Variants in MTA3 observed in about 807,000 individuals in gnomAD.
The protein encoded by MTA3 is metastasis-associated protein MTA3.
Under a neutral mutation model 83.5 loss-of-function variants are expected in MTA3, and 34 were observed. The ratio of observed to expected loss-of-function variants is 0.41; its 90% CI spans 0.31 to 0.54. The LOEUF is 0.54. Ranked by LOEUF, MTA3 falls within the 20% of genes least tolerant of loss-of-function variation. The pLI, the probability that MTA3 is intolerant of heterozygous loss-of-function variation, is 0.33. For synonymous variants in MTA3, 303 were observed against 252.7 expected (o/e 1.20, Z -1.89); for missense variants, 761 against 726.4 (o/e 1.05, Z -0.55).
chr2:42,620,233 C>T (rs1276842401), intron 4 of MTA3, among the ~76,000 whole-genome samples: 1 of 151,850 alleles, frequency 6.6e-6, no homozygotes, highest in Non-Finnish European at 1.5e-5. Flanking sequence ...ATTCTCCTGC[C>T]TCAGCCTCCC....
At chr2:42,676,611 C>G (rs1330957503) in intron 8 of MTA3, among the ~76,000 whole-genome samples, 1 of 152,010 alleles carries the variant, frequency 6.6e-6, no homozygotes, top group Non-Finnish European at 1.5e-5. Flanking sequence ...ACTGAAAATA[C>G]AAAAATTAGC....
intron 2 of MTA3, among the ~76,000 whole-genome samples, chr2:42,548,847 A>T (rs1192949669): frequency 5.8e-4 from 3 of 5,200 alleles, no homozygotes; most frequent in Admixed American, 3.2e-3. Context: ...TATATATATA[A>T]TATATATATA....
chr2:42,565,843 A>C (rs1677887552), upstream of MTA3, among the ~76,000 whole-genome samples: 1 of 151,986 alleles, frequency 6.6e-6, no homozygotes, highest in Admixed American at 6.6e-5. Context: ...GTCTCTACTA[A>C]AAATACAAAA....
intron 2 of MTA3, among the ~76,000 whole-genome samples, chr2:42,497,672 G>A (rs1195986256): frequency 6.6e-6 from 1 of 151,908 alleles, no homozygotes; most frequent in Non-Finnish European, 1.5e-5. Flanking sequence ...GCCACCTGGA[G>A]CCAGTTCCTT....
intron 6 of MTA3, among the ~76,000 whole-genome samples, chr2:42,645,162 T>C (rs6544580): frequency 0.88 from 122,556 of 138,900 alleles, 54,292 homozygotes; most frequent in East Asian, 1. Context: ...GGTGACAGAG[T>C]GAGACTCTGT....
intron 8 of MTA3, 135 bp downstream of exon 8, chr2:42,659,997 G>T: frequency 2.1e-6 from 1 of 472,924 alleles, no homozygotes. Flanking sequence ...ATTTGGCTTG[G>T]TTACTTGGTT....
chr2:42,621,790 C>G (rs1453362504), intron 4 of MTA3, among the ~76,000 whole-genome samples: 1 of 150,864 alleles, frequency 6.6e-6, no homozygotes, highest in Non-Finnish European at 1.5e-5. Flanking sequence ...GGCGGCTGGG[C>G]AGAGACGCTC....
intron 4 of MTA3, among the ~76,000 whole-genome samples, chr2:42,633,565 C>T (rs956229673): frequency 1.3e-5 from 2 of 151,738 alleles, no homozygotes; most frequent in African/African-American, 4.8e-5. Flanking sequence ...GGTGACAGAG[C>T]GAGATCCTGT....
intron 16 of MTA3, among the ~76,000 whole-genome samples, chr2:42,746,440 C>G (rs542197466): frequency 6.6e-6 from 1 of 152,268 alleles, no homozygotes; most frequent in African/African-American, 2.4e-5. Context: ...ACACACCAAG[C>G]AAGCAATCAG....
At chr2:42,746,672 A>G (rs562404956) in intron 16 of MTA3, among the ~76,000 whole-genome samples, 6 of 152,344 alleles carry the variant, frequency 3.9e-5, no homozygotes, top group South Asian at 4.1e-4. Context: ...TTAATATGCT[A>G]GAGTAGATCC....
intron 16 of MTA3, among the ~76,000 whole-genome samples, chr2:42,728,642 G>C (rs923368067): frequency 6.6e-6 from 1 of 152,142 alleles, no homozygotes; most frequent in Non-Finnish European, 1.5e-5. Context: ...TTTTGGATAA[G>C]AGCTATTTTA....
intron 4 of MTA3, among the ~76,000 whole-genome samples, chr2:42,615,635 T>C (rs1684773464): frequency 6.6e-6 from 1 of 151,176 alleles, no homozygotes; most frequent in South Asian, 2.1e-4. Flanking sequence ...ATTACAGGCT[T>C]GAGCCACTGC....
At chr2:42,520,032 G>T (rs534442987) in intron 2 of MTA3, among the ~76,000 whole-genome samples, 4 of 152,344 alleles carry the variant, frequency 2.6e-5, no homozygotes, top group African/African-American at 9.6e-5. Flanking sequence ...ATAAGAGCCA[G>T]ACCTTGTCTC....
intron 16 of MTA3, among the ~76,000 whole-genome samples, chr2:42,747,447 T>C (rs1438671797): frequency 6.6e-6 from 1 of 151,966 alleles, no homozygotes. Flanking sequence ...GGGTGCAGAA[T>C]ACTAGCATAT....
chr2:42,573,111 T>G (rs959025861), intron 2 of MTA3, among the ~76,000 whole-genome samples: 2 of 152,082 alleles, frequency 1.3e-5, no homozygotes, highest in Non-Finnish European at 2.9e-5. Context: ...CCTCCGATTT[T>G]CTAATGATGC....
At chr2:42,630,315 TG>T (rs955206908) in intron 4 of MTA3, among the ~76,000 whole-genome samples, 1 of 152,176 alleles carries the variant, frequency 6.6e-6, no homozygotes, top group African/African-American at 2.4e-5. Flanking sequence ...GTCAACCTTG[TG>T]GGGACAGTTT....
At chr2:42,564,565 G>A (rs900042057), upstream of MTA3, among the ~76,000 whole-genome samples, 2 of 152,124 alleles carry the variant, frequency 1.3e-5, no homozygotes, top group African/African-American at 4.8e-5. Flanking sequence ...AGACAGACTG[G>A]CCTTTTCTGA....
chr2:42,558,569 T>A (rs955369886), intron 2 of MTA3, among the ~76,000 whole-genome samples: 2 of 151,102 alleles, frequency 1.3e-5, no homozygotes, highest in Admixed American at 1.3e-4. Flanking sequence ...ATTTTTTTTT[T>A]TTTTGAGACA....
chr2:42,495,283 T>C (rs1276361035), intron 2 of MTA3: 1 of 152,460 alleles, frequency 6.6e-6, no homozygotes, highest in Non-Finnish European at 1.5e-5. Flanking sequence ...GTAAAATCAC[T>C]CTCGGTGGCT....
Sources: gnomAD v4.1 joint callset for allele counts (sites outside exome capture counted in the v4.1 genomes callset) on GRCh38, gnomAD v4.1.1 for gene constraint, MANE v1.5 for transcripts, NCBI Gene and HGNC (gene_info 2026-07-23, HGNC 2026-07-21) for gene names.